The following ABLIM3 variants were observed in gnomAD, a reference collection of about 807,000 sequenced individuals.
ABLIM3 encodes actin binding LIM protein family member 3.
ABLIM3 carries 61 observed loss-of-function variants against 109.5 expected under a neutral mutation model. The ratio of observed to expected loss-of-function variants is 0.56; its 90% CI spans 0.45 to 0.69. The LOEUF is 0.69. ABLIM3 is among the 30% of genes least tolerant of loss of function. The pLI, the probability that ABLIM3 is intolerant of heterozygous loss-of-function variation, is 0.00. For synonymous variants in ABLIM3, 300 were observed against 324.8 expected (o/e 0.92, Z 0.82); for missense variants, 796 against 889.5 (o/e 0.89, Z 1.34).
At position 149,207,309 on chromosome 5, in the gene ABLIM3, G is replaced by C. The variant is rs113614528; in HGVS notation, c.575+175G>C. On this transcript the variant is annotated intron_variant, in intron 6 of 23. Transcript: ENST00000309868. ...TCTTTCCCCCGTTGGACCCTCCCGGGGGGGTTTCCCTCTGCCTGAGACACC... is the reference window on the plus strand; with the variant it reads ...TCTTTCCCCCGTTGGACCCTCCCGGCGGGGTTTCCCTCTGCCTGAGACACC... Among the ~76,000 whole-genome samples, 1,471 of 152,120 alleles carry C rather than the reference G, an allele frequency of 9.7e-3. 16 individuals carry two copies. The highest frequency in any genetic ancestry group is 0.034 in the African/African-American group (1,406 of 41,472).
chr5:149,191,626 A>C (rs535155273), intron 3 of ABLIM3, among the ~76,000 whole-genome samples: 21 of 140,766 alleles, frequency 1.5e-4, no homozygotes, highest in African/African-American at 5.9e-4. Context: ...ATTCATGAAC[A>C]TGGATTTTAA....
chr5:149,221,980 G>A (rs997194005), intron 8 of ABLIM3, among the ~76,000 whole-genome samples: 1 of 152,044 alleles, frequency 6.6e-6, no homozygotes, highest in African/African-American at 2.4e-5. Context: ...ACAATTCGCT[G>A]TTATCATTTG....
chr5:149,253,865 A>T (rs1163935152), intron 23 of ABLIM3, among the ~76,000 whole-genome samples: 1 of 152,148 alleles, frequency 6.6e-6, no homozygotes, highest in East Asian at 1.9e-4. Context: ...GCTAATGAAG[A>T]TATACCTGAG....
intron 16 of ABLIM3, 21 bp from the exon 17 acceptor site, chr5:149,246,461 A>G: frequency 1.2e-6 from 2 of 1,613,678 alleles, no homozygotes; most frequent in Non-Finnish European, 1.7e-6. Flanking sequence ...GCCGGAGCTG[A>G]TCTTTTCTGT....
intron 2 of ABLIM3, among the ~76,000 whole-genome samples, chr5:149,163,565 C>T (rs575351918): frequency 1.1e-3 from 167 of 152,188 alleles, no homozygotes; most frequent in African/African-American, 3.8e-3. Flanking sequence ...GGCATCTTCC[C>T]CCTGTGAGTT....
chr5:149,248,897 C>CAT (rs1479084113), intron 18 of ABLIM3, among the ~76,000 whole-genome samples: 7 of 145,946 alleles, frequency 4.8e-5, no homozygotes, highest in African/African-American at 1.5e-4. Flanking sequence ...CACACACACA[C>CAT]ACTCTGTCTG....
intron 8 of ABLIM3, among the ~76,000 whole-genome samples, chr5:149,221,825 T>A (rs1760680892): frequency 6.6e-6 from 1 of 152,148 alleles, no homozygotes; most frequent in Non-Finnish European, 1.5e-5. Flanking sequence ...AGACAAATTT[T>A]GCTCTTGTTC....
intron 3 of ABLIM3, among the ~76,000 whole-genome samples, chr5:149,195,440 C>G (rs1757871397): frequency 2.0e-5 from 3 of 152,194 alleles, no homozygotes; most frequent in Admixed American, 2.0e-4. Flanking sequence ...GTGCTCCCCA[C>G]TGTATTTCCA....
At chr5:149,249,894 G>C (rs1229097279) in intron 19 of ABLIM3, 50 bp downstream of exon 19, 1 of 1,604,930 alleles carries the variant, frequency 6.2e-7, no homozygotes, top group East Asian at 2.2e-5. Flanking sequence ...ATGAGGGACA[G>C]AGCTGTGTCA....
chr5:149,170,773 C>T (rs960158064), intron 2 of ABLIM3, among the ~76,000 whole-genome samples: 3 of 152,266 alleles, frequency 2.0e-5, no homozygotes, highest in Non-Finnish European at 2.9e-5. Flanking sequence ...ATGGAATGTT[C>T]GTCCGTTGAT....
chr5:149,240,387 A>G, intron 13 of ABLIM3: 1 of 485,364 alleles, frequency 2.1e-6, no homozygotes, highest in Non-Finnish European at 3.7e-6. Flanking sequence ...TTGGGGAGAT[A>G]AGAGGTTCAA....
At chr5:149,213,193 A>G (rs183554328) in intron 7 of ABLIM3, among the ~76,000 whole-genome samples, 1 of 152,306 alleles carries the variant, frequency 6.6e-6, no homozygotes, top group East Asian at 1.9e-4. Flanking sequence ...CCAATCTTAA[A>G]AACGTGAGGC....
Position 149,240,841 on chromosome 5 carries a change from C to T in ABLIM3, c.1303+67C>T, listed in dbSNP as rs1000155922. 6.2e-6 allele frequency: 9 copies of T among 1,459,338 alleles called. No individual in the cohort carries two copies. The Admixed American group carries it at 1.3e-4, about 22-fold the overall frequency. The allele number at this position is 1,459,338 out of a possible 1,614,324, so 90.4% of individuals were successfully genotyped here. A position where few individuals can be genotyped will look rare whatever the true frequency, so the allele number is the denominator to read the frequency against. On this transcript the variant is annotated intron_variant, in intron 14 of 23. Transcript: ENST00000309868. ...TCCATGGGGTCACAGGTGCCTGAGTCACCCCCTCGATGCCACACAGGCACC... is the reference window on the plus strand; with the variant it reads ...TCCATGGGGTCACAGGTGCCTGAGTTACCCCCTCGATGCCACACAGGCACC...
chr5:149,154,226 C>T (rs1753684358), intron 2 of ABLIM3, among the ~76,000 whole-genome samples: 1 of 152,208 alleles, frequency 6.6e-6, no homozygotes, highest in South Asian at 2.1e-4. Context: ...GGGGAAACAG[C>T]CCAGGGATCC....
chr5:149,204,768 A>T (rs1758808815), intron 5 of ABLIM3, among the ~76,000 whole-genome samples: 1 of 152,216 alleles, frequency 6.6e-6, no homozygotes. Flanking sequence ...CTTAGAGAGC[A>T]TACAACTCAT....
chr5:149,254,967 C>T (rs1754301419), intron 23 of ABLIM3, among the ~76,000 whole-genome samples: 1 of 152,148 alleles, frequency 6.6e-6, no homozygotes, highest in Non-Finnish European at 1.5e-5. Context: ...AGACACTGCC[C>T]CAGCCTCCTG....
intron 4 of ABLIM3, among the ~76,000 whole-genome samples, chr5:149,199,621 C>T (rs1424176533): frequency 6.6e-6 from 1 of 152,234 alleles, no homozygotes; most frequent in East Asian, 1.9e-4. Context: ...CTGGTGCTCC[C>T]TCCATCGTGC....
chr5:149,210,298 A>C (rs1287867204), intron 6 of ABLIM3, among the ~76,000 whole-genome samples: 3 of 152,168 alleles, frequency 2.0e-5, no homozygotes, highest in Non-Finnish European at 4.4e-5. Flanking sequence ...GGCCTGGGAC[A>C]AGTTACTAAA....
intron 8 of ABLIM3, among the ~76,000 whole-genome samples, chr5:149,224,469 G>A (rs1195048480): frequency 6.6e-6 from 1 of 152,124 alleles, no homozygotes; most frequent in East Asian, 1.9e-4. Context: ...CTCCCGAGGT[G>A]CCCTTGTCCC....
Sources: gnomAD v4.1 joint callset for allele counts (sites outside exome capture counted in the v4.1 genomes callset) on GRCh38, gnomAD v4.1.1 for gene constraint, MANE v1.5 for transcripts, NCBI Gene and HGNC (gene_info 2026-07-23, HGNC 2026-07-21) for gene names.